LPA: variants seen among roughly 807,000 people sequenced by gnomAD.
LPA encodes the protein lipoprotein(a).
LPA carries 199 observed loss-of-function variants against 197.9 expected under a neutral mutation model. The ratio of observed to expected loss-of-function variants is 1.01; its 90% CI spans 0.90 to 1.13. LPA has a LOEUF of 1.13. Among genes scored for constraint, LPA ranks in the 50% most tolerant of loss-of-function variants. The pLI is 0.00. For synonymous variants in LPA, 715 were observed against 639.5 expected, an observed-to-expected ratio of 1.12 and a Z score of -1.78; for missense variants, 1,853 against 1,785.8, an observed-to-expected ratio of 1.04 and a Z score of -0.68.
intron 22 of LPA, among the ~76,000 whole-genome samples, chr6:160,593,584 C>T (rs890060717): frequency 6.6e-6 from 1 of 152,168 alleles, no homozygotes; most frequent in Non-Finnish European, 1.5e-5. Context: ...ATGAACATGG[C>T]TAATACAACC....
chr6:160,647,166 G>T (rs1779903765), intron 2 of LPA, among the ~76,000 whole-genome samples: 1 of 152,242 alleles, frequency 6.6e-6, no homozygotes, highest in East Asian at 1.9e-4. Context: ...CCAGAACTGG[G>T]GGATGAGTTG....
chr6:160,569,935 A>T (rs945041862), intron 28 of LPA, among the ~76,000 whole-genome samples: 4 of 152,198 alleles, frequency 2.6e-5, no homozygotes, highest in Non-Finnish European at 5.9e-5. Context: ...CCACAATGAG[A>T]TACCATCTCA....
intron 1 of LPA, among the ~76,000 whole-genome samples, chr6:160,657,300 T>C (rs1780149020): frequency 6.6e-6 from 1 of 152,124 alleles, no homozygotes; most frequent in African/African-American, 2.4e-5. Flanking sequence ...AGCCTTTGGA[T>C]CACTTCCTCT....
At position 160,547,813 on chromosome 6, in the gene LPA, A is replaced by T; in HGVS notation, c.5280T>A (p.Asn1760Lys). ...HRHSTFIPGT[N>K]KWAGLEKNYC... ...CATTTTTTTCCAGACCTGCCCATTTATTTGTCCCTGGAATGAACGTGCTGT... is the reference window on the plus strand; with the variant it reads ...CATTTTTTTCCAGACCTGCCCATTTTTTTGTCCCTGGAATGAACGTGCTGT... The change falls in exon 32 of 39, where the codon AAT becomes AAA. Residue 1760 changes from asparagine (N) to lysine (K), a missense_variant. Coordinates refer to ENST00000316300, the MANE Select transcript of LPA (RefSeq NM_005577.4). 1 of 1,613,794 alleles carries T rather than the reference A, an allele frequency of 6.2e-7. No homozygotes were observed.
intron 36 of LPA, 29 bp downstream of exon 36, chr6:160,540,014 T>G: frequency 6.2e-7 from 1 of 1,613,822 alleles, no homozygotes; most frequent in Non-Finnish European, 8.5e-7. Context: ...TTCACCAGCG[T>G]GGGGTGAAGA....
chr6:160,589,735 C>A, intron 23 of LPA, 23 bp from the exon 24 acceptor site: 1 of 1,613,314 alleles, frequency 6.2e-7, no homozygotes, highest in Non-Finnish European at 8.5e-7. Context: ...GAGGAGAAAA[C>A]AAACTGAGTA....
chr6:160,610,461 A>C (rs1489581553), intron 16 of LPA, among the ~76,000 whole-genome samples: 4 of 152,160 alleles, frequency 2.6e-5, no homozygotes, highest in East Asian at 1.9e-4. Context: ...GCTGGTAAGA[A>C]CTCCAATAAC....
In LPA at chr6:160,532,591, C is replaced by G. The variant is rs1777823830; in HGVS notation, c.5901G>C (p.Val1967=). 1.2e-6 allele frequency: 2 copies of G among 1,613,644 alleles called. No homozygotes were observed. The highest frequency in any genetic ancestry group is 1.7e-6 in the Non-Finnish European group (2 of 1,179,636). The change falls in exon 38 of 39, where the codon GTG becomes GTC. Residue 1967 remains valine, a synonymous_variant. Transcript: ENST00000316300. ...EAQLLVIENE[V]CNHYKYICAE... is the part of the protein sequence containing the mutation. ...CACAAATATACTTATAGTGATTGCACACTTCATTCTCAATAACAAGGAGCT... is the reference window on the plus strand; with the variant it reads ...CACAAATATACTTATAGTGATTGCAGACTTCATTCTCAATAACAAGGAGCT...
chr6:160,584,212 CTTCTTCTTCTTCTTCTTCT>C (rs1778855077), intron 26 of LPA, among the ~76,000 whole-genome samples: 2 of 125,212 alleles, frequency 1.6e-5, no homozygotes, highest in Admixed American at 1.8e-4. Context: ...TCTTCTTCTT[CTTCTTCTTCTTCTTCTTCT>C]TCTTCTTCCT....
chr6:160,589,697 C>T lies in LPA; in HGVS notation c.3803G>A (p.Ser1268Asn), dbSNP rs778268218. Reference sequence around the variant, plus strand: ...ATGGTAGCAGTCCTGGACTGTGGGGCTTTGCTCCGTTGGTGCTGAAATTCA... The same window carrying T: ...ATGGTAGCAGTCCTGGACTGTGGGGTTTTGCTCCGTTGGTGCTGAAATTCA... ...AVSEQAPTEQ[S>N]PTVQDCYHGD... Residue 1268 changes from serine (S) to asparagine (N), a missense_variant, in exon 24 of 39, where the codon AGC becomes AAC. Ser to Asn is a conservative substitution (Grantham distance 46). Around this residue, in one of 3 missense-constraint regions of LPA, gnomAD observed 1,737 missense variants for 1,504.4 expected, o/e 1.15. Coordinates refer to ENST00000316300, the MANE Select transcript of LPA (RefSeq NM_005577.4). 7.4e-6 allele frequency: 12 copies of T among 1,613,720 alleles called. No homozygotes were observed. Among genetic ancestry groups the T allele is most frequent in the Non-Finnish European group, 1.0e-5 (12 of 1,179,818 alleles).
Position 160,609,703 on chromosome 6 carries a change from C to T in LPA, c.2603+1859G>A, listed in dbSNP as rs141805598. ...CATGCAGGAAATCTTCTTATATTTT[C>T]CTGCATGTCTCTGAGGGTCGGTTAA... On this transcript the variant is annotated intron_variant, in intron 16 of 38. Coordinates refer to ENST00000316300, the MANE Select transcript of LPA (RefSeq NM_005577.4). Among the ~76,000 whole-genome samples the T allele has an allele frequency of 4.1e-3, 621 of 152,038 alleles. 1 individual carries two copies. The highest frequency in any genetic ancestry group is 7.2e-3 in the Non-Finnish European group (487 of 67,978).
intron 26 of LPA, among the ~76,000 whole-genome samples, chr6:160,582,012 G>A (rs113881257): frequency 9.5e-4 from 144 of 152,084 alleles, no homozygotes; most frequent in African/African-American, 3.1e-3. Flanking sequence ...TACTTACATA[G>A]CATTCTTTCA....
intron 18 of LPA, 75 bp downstream of exon 18, chr6:160,604,971 A>T (rs766242856): frequency 6.3e-7 from 1 of 1,597,440 alleles, no homozygotes; most frequent in Non-Finnish European, 8.6e-7. Flanking sequence ...CTGAACACTC[A>T]GCTTGAAGCA....
intron 30 of LPA, among the ~76,000 whole-genome samples, chr6:160,555,434 A>AATATATAT (rs1273981792): frequency 1.4e-5 from 1 of 70,850 alleles, no homozygotes; most frequent in Non-Finnish European, 3.1e-5. Flanking sequence ...GTTTCCCTAG[A>AATATATAT]ACATATATAT....
chr6:160,592,089 A>T (rs1177534597), intron 22 of LPA, among the ~76,000 whole-genome samples: 1 of 152,224 alleles, frequency 6.6e-6, no homozygotes, highest in Non-Finnish European at 1.5e-5. Flanking sequence ...GTCAGCCGTC[A>T]TGGCTTCAAG....
At chr6:160,584,962 T>C (rs1778878765) in intron 26 of LPA, 84 bp downstream of exon 26, 1 of 1,431,896 alleles carries the variant, frequency 7.0e-7, no homozygotes, top group Non-Finnish European at 9.8e-7. Flanking sequence ...AATTTGGACC[T>C]AGGAAGTGAG....
intron 21 of LPA, 122 bp from the exon 22 acceptor site, chr6:160,594,239 T>C (rs1583605194): frequency 8.3e-7 from 1 of 1,204,314 alleles, no homozygotes; most frequent in East Asian, 2.4e-5. Context: ...TGTTCTGTAC[T>C]AGCAGGCAGA....
chr6:160,581,468 T>A (rs1257103680), intron 26 of LPA, among the ~76,000 whole-genome samples: 1 of 152,016 alleles, frequency 6.6e-6, no homozygotes, highest in African/African-American at 2.4e-5. Context: ...CCTGGCTAAT[T>A]TTTTTAAATA....
At chr6:160,596,642 T>C (rs1485507107) in intron 20 of LPA, among the ~76,000 whole-genome samples, 2 of 152,162 alleles carry the variant, frequency 1.3e-5, no homozygotes, top group Non-Finnish European at 2.9e-5. Context: ...TCTTCTCTTG[T>C]TGGAAAATGA....
Sources: gnomAD v4.1 joint callset for allele counts (sites outside exome capture counted in the v4.1 genomes callset) on GRCh38, gnomAD v4.1.1 for gene constraint, gnomAD v4.1.1 regional missense constraint, MANE v1.5 for transcripts, NCBI Gene and HGNC (gene_info 2026-07-23, HGNC 2026-07-21) for gene names.